Variants in ARIH2 observed in about 807,000 individuals in gnomAD.
ARIH2 encodes ariadne RBR E3 ubiquitin protein ligase 2, also known as E3 ubiquitin-protein ligase ARIH2.
A neutral mutation model predicts 79.8 loss-of-function variants in ARIH2; 12 were observed. That is an observed-to-expected ratio of 0.15 (90% CI 0.10 to 0.24). The LOEUF is 0.24. Ranked by LOEUF, ARIH2 falls within the 10% of genes least tolerant of loss-of-function variation. The pLI, the probability that ARIH2 is intolerant of heterozygous loss-of-function variation, is 1.00. For missense variants in ARIH2, 301 were observed against 618.3 expected (o/e 0.49, Z 5.44); for synonymous variants, 224 against 213.9 (o/e 1.05, Z -0.41).
chr3:48,959,016 AAAT>A (rs1367325352), intron 3 of ARIH2, among the ~76,000 whole-genome samples: 3 of 151,744 alleles, frequency 2.0e-5, no homozygotes, highest in Non-Finnish European at 2.9e-5. Context: ...CCTGTCTCAA[AAAT>A]AATAATAATA....
At position 48,962,147 on chromosome 3, in the gene ARIH2, C is replaced by T. The variant is rs370471524; in HGVS notation, c.323+468C>T. ...ATCTCAGCACTTTGGGAGGCTGAGGCGGGCGGATCACCTGAGGTCAGGAGT... is the reference window on the plus strand; with the variant it reads ...ATCTCAGCACTTTGGGAGGCTGAGGTGGGCGGATCACCTGAGGTCAGGAGT... On this transcript the variant is annotated intron_variant, in intron 4 of 15. Transcript: ENST00000356401. Among the ~76,000 whole-genome samples the T allele has an allele frequency of 1.4e-3, 210 of 152,090 alleles. 8 individuals are homozygous for T. The South Asian group carries it at 0.043, about 31-fold the overall frequency.
At chr3:48,967,594 C>T (rs1235499490) in intron 6 of ARIH2, among the ~76,000 whole-genome samples, 1 of 152,166 alleles carries the variant, frequency 6.6e-6, no homozygotes, top group African/African-American at 2.4e-5. Context: ...GAAATGCCCA[C>T]AAGAGTTTGC....
At chr3:48,965,126 G>A (rs991017020) in intron 5 of ARIH2, 144 bp downstream of exon 5, 4 of 598,732 alleles carry the variant, frequency 6.7e-6, no homozygotes, top group South Asian at 2.0e-5. Context: ...AGGCTGAGGC[G>A]GGTGGATTAC....
intron 4 of ARIH2, among the ~76,000 whole-genome samples, chr3:48,963,363 C>T (rs888316504): frequency 2.0e-5 from 3 of 152,122 alleles, no homozygotes; most frequent in Middle Eastern, 3.2e-3. Flanking sequence ...GCAAAAGATA[C>T]TTAAAATATT....
intron 3 of ARIH2, chr3:48,934,313 A>G (rs973786309): frequency 5.2e-6 from 4 of 771,622 alleles, no homozygotes; most frequent in Non-Finnish European, 6.3e-6. Context: ...GATAACAAGT[A>G]TCTGGTGAAA....
intron 3 of ARIH2, among the ~76,000 whole-genome samples, chr3:48,932,135 A>G (rs2086454694): frequency 1.3e-5 from 2 of 152,194 alleles, no homozygotes; most frequent in African/African-American, 4.8e-5. Flanking sequence ...CATTATTGAG[A>G]GAGGAAGGTG....
At chr3:48,938,913 C>CAAAAAAAAAAAAA in intron 3 of ARIH2, among the ~76,000 whole-genome samples, 1 of 54,394 alleles carries the variant, frequency 1.8e-5, no homozygotes, top group Non-Finnish European at 3.3e-5. Context: ...GTCTTTAGAC[C>CAAAAAAAAAAAAA]AAAAAAAAAA....
chr3:48,960,338 G>A (rs767438336), intron 3 of ARIH2, among the ~76,000 whole-genome samples: 19 of 152,072 alleles, frequency 1.2e-4, no homozygotes, highest in Non-Finnish European at 2.8e-4. Context: ...TGTAGTGCCC[G>A]AGAGGTTGAG....
intron 3 of ARIH2, among the ~76,000 whole-genome samples, chr3:48,945,711 G>T (rs2089027185): frequency 6.6e-6 from 1 of 152,182 alleles, no homozygotes; most frequent in Admixed American, 6.5e-5. Flanking sequence ...CGGTGGAGGG[G>T]AAGGGACTTG....
chr3:48,982,832 G>A lies in ARIH2; in HGVS notation c.1327-64G>A, dbSNP rs112865860. On this transcript the variant is annotated intron_variant, in intron 14 of 15. Coordinates refer to ENST00000356401, the MANE Select transcript of ARIH2 (RefSeq NM_006321.4). ...TGAGGTGCTGCATGTGCCCACCCCC[G>A]TGTACAGGCCCTGCCCCAGCCACAG... is the stretch of plus-strand genomic sequence containing the variant. 1.4e-5 allele frequency: 18 copies of A among 1,250,872 alleles called. No homozygotes were observed. In the South Asian group the frequency reaches 1.7e-4, roughly 12 times the overall value. 77.5% of individuals were successfully genotyped at this position (1,250,872 alleles called of 1,614,324 possible). A position where few individuals can be genotyped will look rare whatever the true frequency, so the allele number is the denominator to read the frequency against.
intron 3 of ARIH2, among the ~76,000 whole-genome samples, chr3:48,934,118 G>A (rs1435982136): frequency 1.3e-5 from 2 of 152,126 alleles, no homozygotes; most frequent in Non-Finnish European, 2.9e-5. Context: ...TAGATGAATA[G>A]TAATGAGTTG....
intron 3 of ARIH2, among the ~76,000 whole-genome samples, chr3:48,933,619 G>A (rs531337831): frequency 2.0e-5 from 3 of 147,482 alleles, no homozygotes; most frequent in South Asian, 4.3e-4. Flanking sequence ...GCACGATCTC[G>A]GTTCACTGCA....
chr3:48,972,439 TC>T (rs11325445), intron 8 of ARIH2, among the ~76,000 whole-genome samples: 102,737 of 151,924 alleles, frequency 0.68, 35,280 homozygotes, highest in East Asian at 0.96. Flanking sequence ...GGTCAGGAGT[TC>T]CAAGACTAGC....
intron 15 of ARIH2, 27 bp downstream of exon 15, chr3:48,983,006 C>T (rs760340151): frequency 5.6e-6 from 9 of 1,600,948 alleles, no homozygotes; most frequent in Non-Finnish European, 7.7e-6. Context: ...CTCTTGGATT[C>T]TATATTGCAG....
At chr3:48,964,000 C>G (rs1257883204) in intron 4 of ARIH2, among the ~76,000 whole-genome samples, 3 of 151,910 alleles carry the variant, frequency 2.0e-5, no homozygotes, top group Admixed American at 2.0e-4. Flanking sequence ...GAATACTGAT[C>G]CTTTGCCAGT....
At chr3:48,935,492 T>C (rs2086982191) in intron 3 of ARIH2, among the ~76,000 whole-genome samples, 1 of 152,248 alleles carries the variant, frequency 6.6e-6, no homozygotes, top group Non-Finnish European at 1.5e-5. Context: ...GTTACATTGT[T>C]GTGAATGTCT....
intron 9 of ARIH2, among the ~76,000 whole-genome samples, chr3:48,974,261 C>T (rs766446341): frequency 6.6e-6 from 1 of 152,114 alleles, no homozygotes; most frequent in African/African-American, 2.4e-5. Flanking sequence ...GTCAGTCACT[C>T]GCCGAGTCAG....
chr3:48,969,178 CT>C lies in ARIH2; in HGVS notation c.660+540del, dbSNP rs562931150. 6.0e-3 allele frequency among the ~76,000 whole-genome samples: 829 copies of C among 137,444 alleles called. 1 individual carries two copies. Among genetic ancestry groups the C allele is most frequent in the Admixed American group, 8.1e-3 (111 of 13,692 alleles). The allele number at this position is 137,444 out of a possible 152,430, so 90.2% of individuals were successfully genotyped here. ...GTGAGCCACTGCACCCAGCCTCTTT[CT>C]TTTTTTTTTTTTTTTTAACCTCTGA... On this transcript the variant is annotated intron_variant, in intron 7 of 15. Transcript: ENST00000356401.
intron 7 of ARIH2, 150 bp from the exon 8 acceptor site, chr3:48,970,444 GT>G (rs1370056679): frequency 1.7e-6 from 1 of 590,128 alleles, no homozygotes; most frequent in Non-Finnish European, 3.1e-6. Context: ...TCTGGCTTAC[GT>G]TTGGTCTTCA....
Sources: allele counts gnomAD v4.1 joint callset (sites outside exome capture counted in the v4.1 genomes callset), GRCh38; gene constraint gnomAD v4.1.1; transcripts MANE v1.5; gene names NCBI Gene and HGNC (gene_info 2026-07-23, HGNC 2026-07-21).